Variants in NBN observed in about 807,000 individuals in gnomAD.
The protein encoded by NBN is Nijmegen breakage syndrome 1 (nibrin).
NBN carries 88 observed loss-of-function variants against 90.8 expected under a neutral mutation model. The observed-to-expected ratio is 0.97, with a 90% CI of 0.82 to 1.16. The LOEUF (loss-of-function observed/expected upper bound fraction) is 1.16. Ranked by LOEUF, NBN falls within the 50% of genes most tolerant of loss-of-function variation. The pLI is 0.00. For missense variants in NBN, 894 were observed against 869.6 expected, an observed-to-expected ratio of 1.03 and a Z score of -0.35; for synonymous variants, 328 against 295.1, an observed-to-expected ratio of 1.11 and a Z score of -1.14.
intron 6 of NBN, 39 bp from the exon 7 acceptor site, chr8:89,970,596 G>C (rs1279611580): frequency 6.4e-7 from 1 of 1,567,648 alleles, no homozygotes; most frequent in Non-Finnish European, 8.8e-7. Flanking sequence ...GTAAAATGTA[G>C]TAATTTTTTG....
rs549655616 is a variant in NBN, at chr8:89,971,329, CTAT to C, written c.585-42_585-40del. The stretch of plus-strand genomic sequence containing the variant: ...TAAAGTATATTCTAATTATATACTA[CTAT>C]GTTTGCTATTAAATTGTAAACGGAG... On this transcript the variant is annotated intron_variant, in intron 5 of 15. Transcript: ENST00000265433. 322 of 1,557,236 alleles carry C rather than the reference CTAT, an allele frequency of 2.1e-4. 2 individuals carry two copies. In the African/African-American group the frequency reaches 3.3e-3, roughly 16 times the overall value.
chr8:89,946,117 T>C, intron 13 of NBN, 23 bp downstream of exon 13: 1 of 1,516,928 alleles, frequency 6.6e-7, no homozygotes, highest in Non-Finnish European at 9.1e-7. Flanking sequence ...ACTGACCTCT[T>C]GTGATACAGT....
rs1805818 is a variant in NBN at position 89,958,634 on chromosome 8, G to T, written c.1124+91C>A. The T allele has an allele frequency of 0.33, 471,631 of 1,425,474 alleles. 79,686 individuals carry two copies. Among genetic ancestry groups the T allele is most frequent in the East Asian group, 0.47 (20,064 of 42,308 alleles). The allele number at this position is 1,425,474 out of a possible 1,614,324, so 88.3% of individuals were successfully genotyped here. On this transcript the variant is annotated intron_variant, in intron 9 of 15. Transcript: ENST00000265433. ...CATTCTTCCATGCTTTCTCTCTCAA[G>T]AGACAACCTGATAAAGGGCATTACT...
intron 10 of NBN, 134 bp from the exon 11 acceptor site, chr8:89,953,825 G>A: frequency 1.4e-6 from 1 of 723,814 alleles, no homozygotes; most frequent in Non-Finnish European, 2.3e-6. Flanking sequence ...AATATTACTG[G>A]AAATCAACAA....
At chr8:89,981,321 G>C in intron 3 of NBN, 54 bp downstream of exon 3, 2 of 1,524,154 alleles carry the variant, frequency 1.3e-6, no homozygotes, top group Non-Finnish European at 1.8e-6. Flanking sequence ...TTTTCCTTTA[G>C]GATTTGGCTG....
In NBN at chr8:89,982,788, A is replaced by C. The variant is rs78870221; in HGVS notation, c.105T>G (p.Ile35Met). ...VVGRKNCAIL[I>M]ENDQSISRNH... ...TTCGGCTGATCGACTGATCATTTTC[A>C]ATCAGAATGGCACAGTTTTTCCTTC... Residue 35 changes from isoleucine to methionine, a missense_variant, in exon 2 of 16, where the codon ATT (isoleucine) becomes ATG (methionine). By Grantham distance (10) the Ile-to-Met change is conservative. Coordinates refer to ENST00000265433, the MANE Select transcript of NBN (RefSeq NM_002485.5). The C allele has an allele frequency of 9.3e-6, 15 of 1,613,982 alleles. No individual in the cohort carries two copies. The East Asian group carries it at 2.5e-4, about 26-fold the overall frequency.
chr8:89,946,346 A>G (rs1343776599), intron 12 of NBN, 51 bp from the exon 13 acceptor site: 15 of 1,478,504 alleles, frequency 1.0e-5, no homozygotes, highest in Non-Finnish European at 1.2e-5. Flanking sequence ...ATAACAAAGA[A>G]AAGTCACTTG....
intron 14 of NBN, among the ~76,000 whole-genome samples, chr8:89,941,469 C>T (rs550116231): frequency 3.9e-5 from 6 of 152,252 alleles, no homozygotes; most frequent in East Asian, 1.9e-4. Flanking sequence ...CTACCCATTC[C>T]GACTTACAGT....
chr8:89,939,582 T>A (rs573438752), intron 14 of NBN, among the ~76,000 whole-genome samples: 1 of 152,276 alleles, frequency 6.6e-6, no homozygotes, highest in South Asian at 2.1e-4. Flanking sequence ...GCTTAAAAAG[T>A]GCAGCTGTAA....
At chr8:89,944,513 T>C (rs1810099934) in intron 13 of NBN, among the ~76,000 whole-genome samples, 1 of 152,176 alleles carries the variant, frequency 6.6e-6, no homozygotes, top group Non-Finnish European at 1.5e-5. Flanking sequence ...TCTTCTGCAG[T>C]GTTCTTCCTT....
intron 11 of NBN, among the ~76,000 whole-genome samples, chr8:89,950,677 T>C (rs945266340): frequency 6.6e-6 from 1 of 152,240 alleles, no homozygotes; most frequent in Non-Finnish European, 1.5e-5. Context: ...TATAGAATCA[T>C]AGGGCAAAAT....
intron 6 of NBN, among the ~76,000 whole-genome samples, chr8:89,970,956 A>G (rs1299218353): frequency 6.6e-6 from 1 of 152,198 alleles, no homozygotes; most frequent in Non-Finnish European, 1.5e-5. Context: ...TCTCACTTGC[A>G]TATTTATGAA....
At chr8:89,973,329 T>A (rs1287713540) in intron 5 of NBN, among the ~76,000 whole-genome samples, 1 of 152,250 alleles carries the variant, frequency 6.6e-6, no homozygotes, top group African/African-American at 2.4e-5. Context: ...AAGTATAGAT[T>A]TAAGTATTAA....
chr8:89,970,889 C>A (rs2129834861), intron 6 of NBN, among the ~76,000 whole-genome samples: 1 of 152,272 alleles, frequency 6.6e-6, no homozygotes, highest in South Asian at 2.1e-4. Context: ...AGTGAGCTTA[C>A]TAACTAAAGA....
intron 14 of NBN, among the ~76,000 whole-genome samples, chr8:89,937,561 T>C (rs1490988257): frequency 6.6e-6 from 1 of 152,210 alleles, no homozygotes; most frequent in Admixed American, 6.5e-5. Context: ...ACAAACTCAC[T>C]AAACTTCTAC....
chr8:89,965,305 C>T (rs2129793617), intron 7 of NBN, among the ~76,000 whole-genome samples: 1 of 152,168 alleles, frequency 6.6e-6, no homozygotes, highest in East Asian at 1.9e-4. Flanking sequence ...ATCATTTTGC[C>T]AAATTTACAA....
Position 89,980,763 on chromosome 8 carries a change from C to A in NBN, c.451G>T (p.Val151Phe), listed in dbSNP as rs587781549. The A allele has an allele frequency of 2.0e-5, 33 of 1,613,358 alleles. No individual in the cohort carries two copies. Among genetic ancestry groups the A allele is most frequent in the Non-Finnish European group, 2.8e-5 (33 of 1,179,484 alleles). Residue 151 changes from valine (V) to phenylalanine (F), a missense_variant, in exon 4 of 16, where the codon GTC becomes TTC. Coordinates refer to ENST00000265433, the MANE Select transcript of NBN (RefSeq NM_002485.5). ...NNWTEECTHL[V>F]MVSVKVTIKT... Reference sequence around the variant, plus strand: ...ATGGTAACTTTCACTGATACCATGACAAGGTGAGTGCATTCTTCTGTCCAA... The same window carrying A: ...ATGGTAACTTTCACTGATACCATGAAAAGGTGAGTGCATTCTTCTGTCCAA...
chr8:89,953,580 A>T lies in NBN; in HGVS notation c.1509T>A (p.Asn503Lys), dbSNP rs876660751. Residue 503 changes from asparagine (N) to lysine (K), a missense_variant, in exon 11 of 16, where the codon AAT (asparagine) becomes AAA (lysine). By Grantham distance (94) the Asn-to-Lys change is moderately conservative (BLOSUM62 0). Transcript: ENST00000265433. ...TQPATPSLWK[N>K]KEQHLSENEP... ...CATTCTCAGATAGATGCTGCTCCTT[A>T]TTTTTCCACAATGAGGGTGTAGCAG... The T allele has an allele frequency of 6.2e-7, 1 of 1,613,582 alleles. No homozygotes were observed. Among genetic ancestry groups the T allele is most frequent in the African/African-American group, 1.3e-5 (1 of 74,976 alleles).
chr8:89,965,376 A>C (rs1811205588), intron 7 of NBN, among the ~76,000 whole-genome samples: 2 of 152,204 alleles, frequency 1.3e-5, no homozygotes, highest in Admixed American at 1.3e-4. Context: ...GTTGTTCTGT[A>C]AGGTCAATGA....
Sources: allele counts gnomAD v4.1 joint callset (sites outside exome capture counted in the v4.1 genomes callset), GRCh38; gene constraint gnomAD v4.1.1; transcripts MANE v1.5; gene names NCBI Gene and HGNC (gene_info 2026-07-23, HGNC 2026-07-21).